Variants in ABCG8 observed in about 807,000 individuals in gnomAD.
ABCG8 encodes ATP binding cassette subfamily G member 8.
In ABCG8, 81 loss-of-function variants were observed where a neutral mutation model predicts 71.3. The ratio of observed to expected loss-of-function variants is 1.14; its 90% CI spans 0.95 to 1.37. ABCG8 has a LOEUF of 1.37. ABCG8 is among the 40% of genes most tolerant of loss of function. The probability of loss-of-function intolerance (pLI) is 0.00; values close to 1 mark genes in which losing one functional copy is unlikely to be tolerated. For missense variants in ABCG8, 1,119 were observed against 866.2 expected (o/e 1.29, Z -3.66); for synonymous variants, 451 against 354.7 (o/e 1.27, Z -3.05).
In ABCG8 at chr2:43,881,782, G is replaced by A. The variant is rs1351719330; in HGVS notation, c.*3869G>A. 6.6e-6 allele frequency: 1 copy of A among 151,888 alleles called. No individual in the cohort carries two copies. Among genetic ancestry groups the A allele is most frequent in the Non-Finnish European group, 1.5e-5 (1 of 68,032 alleles). 9.4% of individuals were successfully genotyped at this position (151,888 alleles called of 1,614,324 possible). On this transcript the variant is annotated 3_prime_UTR_variant, in exon 13 of 13. Coordinates refer to ENST00000272286, the MANE Select transcript of ABCG8 (RefSeq NM_022437.3). ...GCGAGCCCTGCCCTGCATTGCGAAAGGGTAGAGATTTGTTTATTTGTCAGT... is the reference window on the plus strand; with the variant it reads ...GCGAGCCCTGCCCTGCATTGCGAAAAGGTAGAGATTTGTTTATTTGTCAGT...
In ABCG8 at chr2:43,880,659, TGTGTGC is replaced by T. The variant is rs1670105760; in HGVS notation, c.*2748_*2753del. 1 of 152,196 alleles carries T rather than the reference TGTGTGC, an allele frequency of 6.6e-6. No individual in the cohort carries two copies. Among genetic ancestry groups the T allele is most frequent in the South Asian group, 2.1e-4 (1 of 4,812 alleles). The allele number at this position is 152,196 out of a possible 1,614,324, so 9.4% of individuals were successfully genotyped here. On this transcript the variant is annotated 3_prime_UTR_variant, in exon 13 of 13. Coordinates refer to ENST00000272286, the MANE Select transcript of ABCG8 (RefSeq NM_022437.3). ...TGAACAGAGTTAGGGAGTGTGTGTG[TGTGTGC>T]GCGCGCGCGCGCGCATGTGCATACA...
At chr2:43,873,045 C>G (rs977169850) in intron 8 of ABCG8, among the ~76,000 whole-genome samples, 1 of 152,228 alleles carries the variant, frequency 6.6e-6, no homozygotes, top group African/African-American at 2.4e-5. Flanking sequence ...GGCAGCACCT[C>G]TACCTCCCGT....
chr2:43,874,189 T>C (rs1385596872), intron 9 of ABCG8, among the ~76,000 whole-genome samples: 1 of 152,200 alleles, frequency 6.6e-6, no homozygotes, highest in East Asian at 1.9e-4. Context: ...GCAGGATTTA[T>C]ATTTGACAGC....
chr2:43,875,260 G>C lies in ABCG8; in HGVS notation c.1603G>C (p.Val535Leu). Residue 535 changes from valine to leucine, a missense_variant, in exon 11 of 13, where the codon GTG becomes CTG. Physicochemically the swap from Val to Leu is conservative, Grantham distance 32 (BLOSUM62 1). Transcript: ENST00000272286. ...GCCCTTCCTGCTGCACTTCCTGCTG[G>C]TGTGGCTGGTGGTCTTCTGTTGCAG... ...LQPFLLHFLL[V>L]WLVVFCCRIM... The C allele has an allele frequency of 6.2e-7, 1 of 1,614,222 alleles. No homozygotes were observed. Among genetic ancestry groups the C allele is most frequent in the South Asian group, 1.1e-5 (1 of 91,086 alleles).
chr2:43,875,088 T>C (rs1669913332), intron 10 of ABCG8, 58 bp from the exon 11 acceptor site: 5 of 1,612,832 alleles, frequency 3.1e-6, no homozygotes, highest in Admixed American at 1.7e-5. Context: ...TTTAAACGTT[T>C]ATAATAATGG....
intron 6 of ABCG8, among the ~76,000 whole-genome samples, chr2:43,866,980 A>G (rs1201433368): frequency 2.6e-5 from 4 of 151,698 alleles, no homozygotes; most frequent in Admixed American, 2.0e-4. Context: ...GATTAAGAAA[A>G]TGTGGCACAT....
chr2:43,876,892 G>T (rs1433152304), intron 11 of ABCG8, among the ~76,000 whole-genome samples: 4 of 151,216 alleles, frequency 2.6e-5, no homozygotes, highest in Non-Finnish European at 5.9e-5. Flanking sequence ...GAGACCATGG[G>T]AATATGGGGA....
chr2:43,852,131 C>A (rs568260060), intron 4 of ABCG8, among the ~76,000 whole-genome samples: 1 of 152,248 alleles, frequency 6.6e-6, no homozygotes, highest in Non-Finnish European at 1.5e-5. Flanking sequence ...TACACTGCCA[C>A]GTTCCTAACA....
rs776356685 is a variant in ABCG8 at position 43,844,579 on chromosome 2, A to G, written c.136A>G (p.Thr46Ala). 6.2e-7 allele frequency: 1 copy of G among 1,614,062 alleles called. No individual in the cohort carries two copies. The highest frequency in any genetic ancestry group is 1.1e-5 in the South Asian group (1 of 91,070). ...CTTCACCTACAGTGGCCAGCCCAAC[A>G]CCCTGGAGGTCAGAGACCTCAACTA... ...LYFTYSGQPN[T>A]LEVRDLNYQV... Residue 46 changes from threonine (T) to alanine (A), a missense_variant, in exon 2 of 13, where the codon ACC becomes GCC. Thr to Ala is a moderately conservative substitution (Grantham distance 58). Coordinates refer to ENST00000272286, the MANE Select transcript of ABCG8 (RefSeq NM_022437.3).
rs1461836129 is a variant in ABCG8 at position 43,880,386 on chromosome 2, C to G, written c.*2473C>G. On this transcript the variant is annotated 3_prime_UTR_variant, in exon 13 of 13. Transcript: ENST00000272286. Reference sequence around the variant, plus strand: ...ACAGTGTTTCACCATATTGGCCAGACTGGTTGTGAACTCTAGGCCTCAAGT... The same window carrying G: ...ACAGTGTTTCACCATATTGGCCAGAGTGGTTGTGAACTCTAGGCCTCAAGT... 1.3e-5 allele frequency: 2 copies of G among 152,112 alleles called. No individual in the cohort carries two copies. The highest frequency in any genetic ancestry group is 4.8e-5 in the African/African-American group (2 of 41,408). The allele number at this position is 152,112 out of a possible 1,614,324, so 9.4% of individuals were successfully genotyped here. A position where few individuals can be genotyped will look rare whatever the true frequency, so the allele number is the denominator to read the frequency against.
intron 3 of ABCG8, chr2:43,847,208 C>A (rs1324735080): frequency 6.6e-6 from 1 of 152,218 alleles, no homozygotes; most frequent in Non-Finnish European, 1.5e-5. Context: ...TTTAATTAAT[C>A]ATTTCCAGAG....
At chr2:43,871,901 C>T (rs531331182) in intron 6 of ABCG8, 75 bp from the exon 7 acceptor site, 512 of 1,587,098 alleles carry the variant, frequency 3.2e-4, no homozygotes, top group Non-Finnish European at 4.2e-4. Flanking sequence ...GTGAGCTGGG[C>T]GTGCACCAAG....
intron 3 of ABCG8, among the ~76,000 whole-genome samples, chr2:43,849,684 C>T (rs1045456726): frequency 4.6e-5 from 7 of 152,196 alleles, no homozygotes; most frequent in Middle Eastern, 3.4e-3. Flanking sequence ...AGTGGGAATC[C>T]GTGGTCCCTG....
rs1416165591 is a variant in ABCG8 at position 43,845,096 on chromosome 2, GTGTATA to G, written c.165+490_165+495del. Among the ~76,000 whole-genome samples the G allele has an allele frequency of 7.8e-3, 1,049 of 134,750 alleles. 14 individuals carry two copies. The highest frequency in any genetic ancestry group is 0.027 in the African/African-American group (925 of 34,448). The allele number at this position is 134,750 out of a possible 152,430, so 88.4% of individuals were successfully genotyped here. ...TATATATATATGTGTGTGTGTGTGTGTGTATATATATATATATATATATAATTTTTT... is the reference window on the plus strand; with the variant it reads ...TATATATATATGTGTGTGTGTGTGTGTATATATATATATATATAATTTTTT... On this transcript the variant is annotated intron_variant, in intron 2 of 12. Transcript: ENST00000272286.
chr2:43,874,001 C>G lies in ABCG8; in HGVS notation c.1411+15C>G. The G allele has an allele frequency of 6.2e-7, 1 of 1,613,402 alleles. No homozygotes were observed. Among genetic ancestry groups the G allele is most frequent in the East Asian group, 2.2e-5 (1 of 44,888 alleles). On this transcript the variant is annotated intron_variant, in intron 9 of 12. Coordinates refer to ENST00000272286, the MANE Select transcript of ABCG8 (RefSeq NM_022437.3). ...CATCTCCAAATGTGAGTGTGGCCCACTGGCATGGGCAGGCAGGACCTCAGC... is the reference window on the plus strand; with the variant it reads ...CATCTCCAAATGTGAGTGTGGCCCAGTGGCATGGGCAGGCAGGACCTCAGC...
intron 6 of ABCG8, among the ~76,000 whole-genome samples, chr2:43,870,613 C>T (rs768291854): frequency 6.6e-6 from 1 of 152,078 alleles, no homozygotes; most frequent in Non-Finnish European, 1.5e-5. Context: ...TTCTCACTCT[C>T]TGGATAGAAC....
At position 43,882,708 on chromosome 2, in the gene ABCG8, T is replaced by TAGGCAGGC. The variant is rs1670166391; in HGVS notation, c.*4802_*4809dup. 6.6e-6 allele frequency: 1 copy of TAGGCAGGC among 152,302 alleles called. No homozygotes were observed. Among genetic ancestry groups the TAGGCAGGC allele is most frequent in the Non-Finnish European group, 1.5e-5 (1 of 68,036 alleles). 9.4% of individuals were successfully genotyped at this position (152,302 alleles called of 1,614,324 possible). ...CTCTGCCTGAGGCAGCTTCAGCAGG[T>TAGGCAGGC]AGGCAGGCAGGCAGATGGAGCACAG... On this transcript the variant is annotated 3_prime_UTR_variant, in exon 13 of 13. Transcript: ENST00000272286.
In ABCG8 at chr2:43,877,681, G is replaced by T. The variant is rs763289865; in HGVS notation, c.1877G>T (p.Gly626Val). The change falls in exon 12 of 13, where the codon GGA becomes GTA. Residue 626 changes from glycine to valine, a missense_variant. Transcript: ENST00000272286. ...GGGAACCTCACCATCGCGGTCTCAG[G>T]AGATAAAGTAAGCGGGGAAGGCCTC... ...PLGNLTIAVS[G>V]DKILSVMELD... is the part of the protein sequence containing the mutation. 2.5e-5 allele frequency: 41 copies of T among 1,613,982 alleles called. No individual in the cohort carries two copies. In the East Asian group the frequency reaches 8.7e-4, roughly 34 times the overall value.
intron 1 of ABCG8, among the ~76,000 whole-genome samples, chr2:43,841,986 C>A (rs1367316769): frequency 6.6e-6 from 1 of 151,688 alleles, no homozygotes; most frequent in African/African-American, 2.4e-5. Flanking sequence ...CATGTTAGCC[C>A]ACATGAGTCT....
Sources: allele counts gnomAD v4.1 joint callset (sites outside exome capture counted in the v4.1 genomes callset), GRCh38; gene constraint gnomAD v4.1.1; transcripts MANE v1.5; gene names NCBI Gene and HGNC (gene_info 2026-07-23, HGNC 2026-07-21).